Variants in UIMC1 observed in about 807,000 individuals in gnomAD.
UIMC1 encodes the protein BRCA1-A complex subunit RAP80.
UIMC1 carries 42 observed loss-of-function variants against 84.9 expected under a neutral mutation model. The ratio of observed to expected loss-of-function variants is 0.49; its 90% CI spans 0.39 to 0.64. The LOEUF (loss-of-function observed/expected upper bound fraction) is 0.64, where lower values mean the gene tolerates loss of function less well. UIMC1 is among the 30% of genes least tolerant of loss of function. UIMC1 has a pLI of 0.00. For synonymous variants in UIMC1, 281 were observed against 293.0 expected (o/e 0.96, Z 0.42); for missense variants, 825 against 847.6 (o/e 0.97, Z 0.33).
At chr5:176,977,862 TATC>T (rs1237043303) in intron 2 of UIMC1, among the ~76,000 whole-genome samples, 3 of 151,262 alleles carry the variant, frequency 2.0e-5, no homozygotes, top group East Asian at 4.0e-4. Context: ...AGTGAGCTGA[TATC>T]ATGCCATTGC....
intron 9 of UIMC1, among the ~76,000 whole-genome samples, chr5:176,946,330 A>T (rs1353920046): frequency 1.3e-5 from 2 of 152,082 alleles, no homozygotes; most frequent in Non-Finnish European, 2.9e-5. Context: ...TGACCAACAT[A>T]GCGAAACCCC....
rs1184993634 is a variant in UIMC1, at chr5:176,969,716, G to C, written c.358-10C>G. On this transcript the variant is annotated splice_polypyrimidine_tract_variant and intron_variant, in intron 4 of 14. Coordinates refer to ENST00000511320, the MANE Select transcript of UIMC1 (RefSeq NM_001199298.2). The stretch of plus-strand genomic sequence containing the variant: ...CAGAAGGCCGGCAACTCTGAAACAA[G>C]TGATCCCATACCAGACCAGGTTTAT... 5 of 1,612,976 alleles carry C rather than the reference G, an allele frequency of 3.1e-6. No homozygotes were observed. The East Asian group carries it at 8.9e-5, about 29-fold the overall frequency.
At chr5:176,965,702 G>A (rs1205104649) in intron 6 of UIMC1, among the ~76,000 whole-genome samples, 1 of 152,140 alleles carries the variant, frequency 6.6e-6, no homozygotes, top group Non-Finnish European at 1.5e-5. Context: ...TGTAGTATTT[G>A]GTGGTCTGGT....
rs76875244 is a variant in UIMC1 at position 176,925,631 on chromosome 5, G to A, written c.1598-14242C>T. Among the ~76,000 whole-genome samples, 476 of 151,566 alleles carry A rather than the reference G, an allele frequency of 3.1e-3. 3 individuals carry two copies. The highest frequency in any genetic ancestry group is 0.011 in the African/African-American group (463 of 41,302). On this transcript the variant is annotated intron_variant, in intron 10 of 14. Coordinates refer to ENST00000511320, the MANE Select transcript of UIMC1 (RefSeq NM_001199298.2). The stretch of plus-strand genomic sequence containing the variant: ...TCAGTAATAAAAAGGAATATAACAC[G>A]GATCAATCTCAAAAACATTATGCTG...
chr5:176,934,520 G>C (rs1234028285), intron 10 of UIMC1, among the ~76,000 whole-genome samples: 1 of 152,222 alleles, frequency 6.6e-6, no homozygotes, highest in Non-Finnish European at 1.5e-5. Flanking sequence ...GCAAAAGCCT[G>C]ATCCTCAATT....
chr5:176,982,571 C>T lies in UIMC1; in HGVS notation c.45G>A (p.Arg15=). 6.2e-7 allele frequency: 1 copy of T among 1,614,120 alleles called. No homozygotes were observed. The highest frequency in any genetic ancestry group is 1.1e-5 in the South Asian group (1 of 91,082). ...KKKVKEVSES[R]NLEKKDVETT... ...TTTCCACATCCTTCTTCTCCAGGTT[C>T]CGAGATTCGGAGACTTCTTTAACTT... The change falls in exon 2 of 15, where the codon CGG becomes CGA. Residue 15 remains arginine (R), a synonymous_variant. Coordinates refer to ENST00000511320, the MANE Select transcript of UIMC1 (RefSeq NM_001199298.2).
chr5:176,967,098 A>G (rs1179733969), intron 6 of UIMC1, among the ~76,000 whole-genome samples: 2 of 152,246 alleles, frequency 1.3e-5, no homozygotes, highest in African/African-American at 2.4e-5. Flanking sequence ...ATGTAAATGT[A>G]TATGATCTCT....
intron 7 of UIMC1, among the ~76,000 whole-genome samples, chr5:176,957,804 T>C (rs1019717089): frequency 1.3e-5 from 2 of 152,208 alleles, no homozygotes; most frequent in African/African-American, 2.4e-5. Context: ...GTTAAGAGAA[T>C]TGCAGGATGT....
chr5:176,951,422 G>T, intron 9 of UIMC1, 52 bp downstream of exon 9: 1 of 1,352,556 alleles, frequency 7.4e-7, no homozygotes, highest in South Asian at 1.7e-5. Flanking sequence ...TCAGAGAGAG[G>T]ACTGCCAACG....
intron 6 of UIMC1, among the ~76,000 whole-genome samples, chr5:176,963,830 C>T (rs1199579531): frequency 6.6e-6 from 1 of 150,526 alleles, no homozygotes; most frequent in Non-Finnish European, 1.5e-5. Context: ...CAACCCCACA[C>T]AATCTGGTCA....
Position 177,011,884 on chromosome 5 carries a change from T to G in UIMC1, c.-9+10580A>C, listed in dbSNP as rs531254644. ...GGCACAATCTCAGCTCACCGCAAGC[T>G]CTGCCTCCTGGGTTCACACCATTCT... On this transcript the variant is annotated intron_variant, in intron 1 of 5. Transcript: ENST00000509236. 2.1e-4 allele frequency among the ~76,000 whole-genome samples: 32 copies of G among 151,836 alleles called. 1 individual carries two copies. Among genetic ancestry groups the G allele is most frequent in the African/African-American group, 7.7e-4 (32 of 41,396 alleles).
rs530749569 is a variant in UIMC1 at position 176,968,451 on chromosome 5, C to T, written c.1200+104G>A. ...AATTTTCTATAGTGAACATGTATTA[C>T]TTTAATAATCAAGGAGGGGAAGACC... On this transcript the variant is annotated intron_variant, in intron 6 of 14. Coordinates refer to ENST00000511320, the MANE Select transcript of UIMC1 (RefSeq NM_001199298.2). The T allele has an allele frequency of 6.2e-6, 9 of 1,446,144 alleles. No homozygotes were observed. In the South Asian group the frequency reaches 1.1e-4, roughly 18 times the overall value. The allele number at this position is 1,446,144 out of a possible 1,614,324, so 89.6% of individuals were successfully genotyped here. A position where few individuals can be genotyped will look rare whatever the true frequency, so the allele number is the denominator to read the frequency against.
chr5:177,005,160 A>T (rs1249284887), intron 1 of UIMC1, among the ~76,000 whole-genome samples: 3 of 151,686 alleles, frequency 2.0e-5, no homozygotes, highest in Non-Finnish European at 4.4e-5. Context: ...TGCAGCCTCC[A>T]CTTCCTGGGC....
At chr5:176,905,647 G>A (rs756341907) in intron 14 of UIMC1, 155 bp from the exon 15 acceptor site, 2 of 750,068 alleles carry the variant, frequency 2.7e-6, no homozygotes, top group Non-Finnish European at 4.2e-6. Flanking sequence ...TGTTTTCACA[G>A]ATGAGGTCAC....
At position 177,006,695 on chromosome 5, in the gene UIMC1, G is replaced by T. The variant is rs532184614; in HGVS notation, c.-54C>A. On this transcript the variant is annotated 5_prime_UTR_variant, in exon 1 of 15. Transcript: ENST00000511320. ...GTAGACCTTCTCCGGGTTGCCGGGGGTCGCGAGCCGCCACACGTTGGGAGC... is the reference window on the plus strand; with the variant it reads ...GTAGACCTTCTCCGGGTTGCCGGGGTTCGCGAGCCGCCACACGTTGGGAGC... 6.6e-6 allele frequency: 1 copy of T among 152,176 alleles called. No individual in the cohort carries two copies. The highest frequency in any genetic ancestry group is 1.5e-5 in the Non-Finnish European group (1 of 68,032). 9.4% of individuals were successfully genotyped at this position (152,176 alleles called of 1,614,324 possible).
At position 176,951,587 on chromosome 5, in the gene UIMC1, A is replaced by T; in HGVS notation, c.1340-10T>A. On this transcript the variant is annotated splice_polypyrimidine_tract_variant and intron_variant, in intron 8 of 14. Transcript: ENST00000511320. ...GAACTTAGCTGGGTCTCTGTAATTT[A>T]AAAAAGTTAAAATCCCATTAATTTT... The T allele has an allele frequency of 1.3e-6, 2 of 1,542,772 alleles. No homozygotes were observed. Among genetic ancestry groups the T allele is most frequent in the Non-Finnish European group, 1.7e-6 (2 of 1,148,872 alleles).
chr5:176,936,612 G>A (rs774131083), intron 10 of UIMC1, among the ~76,000 whole-genome samples: 4 of 152,054 alleles, frequency 2.6e-5, no homozygotes, highest in Admixed American at 6.5e-5. Context: ...ACTCCTCCCC[G>A]TTACCTCTCT....
At chr5:176,906,183 C>A in intron 13 of UIMC1, 136 bp from the exon 14 acceptor site, 1 of 752,008 alleles carries the variant, frequency 1.3e-6, no homozygotes. Flanking sequence ...CCCCAATCCC[C>A]TAAACCCACA....
At chr5:176,917,448 T>C (rs2149400857) in intron 10 of UIMC1, among the ~76,000 whole-genome samples, 1 of 152,188 alleles carries the variant, frequency 6.6e-6, no homozygotes, top group South Asian at 2.1e-4. Flanking sequence ...GGTGAGTGCC[T>C]GTAACCCCAG....
Sources: allele counts gnomAD v4.1 joint callset (sites outside exome capture counted in the v4.1 genomes callset), GRCh38; gene constraint gnomAD v4.1.1; transcripts MANE v1.5; gene names NCBI Gene and HGNC (gene_info 2026-07-23, HGNC 2026-07-21).